CLSTN1: variants seen among roughly 807,000 people sequenced by gnomAD.
CLSTN1 encodes calsyntenin 1.
Under a neutral mutation model 108.3 loss-of-function variants are expected in CLSTN1, and 28 were observed. That is an observed-to-expected ratio of 0.26 (90% CI 0.19 to 0.35). The LOEUF (loss-of-function observed/expected upper bound fraction) is 0.35, where lower values mean the gene tolerates loss of function less well. CLSTN1 is among the 10% of genes least tolerant of loss of function. CLSTN1 has a pLI of 1.00. For missense variants in CLSTN1, 1,157 were observed against 1,302.6 expected (o/e 0.89, Z 1.72); for synonymous variants, 524 against 534.9 (o/e 0.98, Z 0.28).
At chr1:9,798,858 A>T (rs76328347) in intron 1 of CLSTN1, among the ~76,000 whole-genome samples, 137 of 152,312 alleles carry the variant, frequency 9.0e-4, no homozygotes, top group African/African-American at 3.1e-3. Context: ...AAGAGAAGTG[A>T]GATCACAAGG....
At chr1:9,807,495 C>T (rs554931073) in intron 1 of CLSTN1, among the ~76,000 whole-genome samples, 1 of 152,338 alleles carries the variant, frequency 6.6e-6, no homozygotes, top group East Asian at 1.9e-4. Flanking sequence ...AGTAAATTTA[C>T]TTCATATAGA....
intron 1 of CLSTN1, among the ~76,000 whole-genome samples, chr1:9,780,460 C>T (rs1245972306): frequency 1.3e-5 from 2 of 152,138 alleles, no homozygotes; most frequent in African/African-American, 4.8e-5. Context: ...GAAAGGCCTG[C>T]AGCTGAAATG....
intron 1 of CLSTN1, among the ~76,000 whole-genome samples, chr1:9,774,186 C>T (rs1479126868): frequency 6.6e-6 from 1 of 152,048 alleles, no homozygotes; most frequent in African/African-American, 2.4e-5. Flanking sequence ...TAATGTAAAG[C>T]AAAGATGCAA....
rs766593308 is a variant in CLSTN1 at position 9,734,966 on chromosome 1, C to T, written c.2092G>A (p.Gly698Arg). 5 of 1,614,040 alleles carry T rather than the reference C, an allele frequency of 3.1e-6. No homozygotes were observed. Among genetic ancestry groups the T allele is most frequent in the African/African-American group, 1.3e-5 (1 of 74,928 alleles). Residue 698 changes from glycine to arginine, a missense_variant, in exon 14 of 19, where the codon GGG becomes AGG. By Grantham distance (125) the Gly-to-Arg change is moderately radical (BLOSUM62 -2). Transcript: ENST00000377298. This position sits in a 1 kb window ranked among gnomAD's most constrained non-coding sequence, Gnocchi z 4.8. ...ITREVEPEGD[G>R]AEDPTVQESL... ...ACATTACCTGTGGGGTCCTCAGCCC[C>T]GTCCCCTTCAGGCTCCACTTCTCTC...
At chr1:9,821,907 C>T (rs1660742) in intron 1 of CLSTN1, among the ~76,000 whole-genome samples, 124,507 of 152,140 alleles carry the variant, frequency 0.82, 52,281 homozygotes, top group Non-Finnish European at 0.92. Flanking sequence ...ACTCAACTAG[C>T]CAACACACCT....
chr1:9,811,342 T>A (rs944582840), intron 1 of CLSTN1, among the ~76,000 whole-genome samples: 2 of 152,198 alleles, frequency 1.3e-5, no homozygotes, highest in Admixed American at 6.5e-5. Flanking sequence ...AAGACATGTA[T>A]TCGCTGCTTC....
At chr1:9,824,206 G>A, upstream of CLSTN1, 1 of 149,788 alleles carries the variant, frequency 6.7e-6, no homozygotes, top group Non-Finnish European at 1.5e-5. The surrounding 1 kb of genome is among the most constrained non-coding windows in gnomAD (Gnocchi z 5.0). Context: ...CGCGCCTGGG[G>A]TGGGTTCCGA....
Position 9,729,340 on chromosome 1 carries a change from G to GTT in CLSTN1, c.*1166_*1167dup, listed in dbSNP as rs1367784110. On this transcript the variant is annotated 3_prime_UTR_variant, in exon 19 of 19. Transcript: ENST00000377298. ...GCTATGTGGGTTTTAGACCATGACT[G>GTT]TTTGTTTGCTCTCCTGCCCTACCAC... 3.3e-5 allele frequency: 5 copies of GTT among 152,350 alleles called. No individual in the cohort carries two copies. The highest frequency in any genetic ancestry group is 3.2e-3 in the Middle Eastern group (1 of 314). 9.4% of individuals were successfully genotyped at this position (152,350 alleles called of 1,614,324 possible).
At chr1:9,736,162 T>TCATACCAAGTCCTGTTAGCC in intron 11 of CLSTN1, 120 bp from the exon 12 acceptor site, 1 of 1,158,536 alleles carries the variant, frequency 8.6e-7, no homozygotes, top group Admixed American at 1.9e-5. Flanking sequence ...GCGGGTTAGT[T>TCATACCAAGTCCTGTTAGCC]CATACCAAGT....
chr1:9,740,416 G>A (rs900001421), intron 10 of CLSTN1, among the ~76,000 whole-genome samples: 1 of 152,186 alleles, frequency 6.6e-6, no homozygotes, highest in African/African-American at 2.4e-5. Flanking sequence ...CATCAGCTGG[G>A]TGACACCTGG....
At position 9,755,169 on chromosome 1, in the gene CLSTN1, G is replaced by C. The variant is rs767280489; in HGVS notation, c.385C>G (p.Gln129Glu). The C allele has an allele frequency of 1.9e-6, 3 of 1,614,082 alleles. No homozygotes were observed. The South Asian group carries it at 3.3e-5, about 18-fold the overall frequency. Residue 129 changes from glutamine to glutamate, a missense_variant, in exon 4 of 19, where the codon CAG becomes GAG. By Grantham distance (29) the Gln-to-Glu change is conservative. Transcript: ENST00000377298. The stretch of plus-strand genomic sequence containing the variant: ...GGTCCCTTCCCACAATCATAGGCCT[G>C]GATGGTGAATGAATAGTCTTTCTGC... ...ELQKDYSFTIQAYDCGKGPDG... is the reference protein window; with the variant it reads ...ELQKDYSFTIEAYDCGKGPDG...
intron 4 of CLSTN1, among the ~76,000 whole-genome samples, chr1:9,752,029 C>A (rs1023954598): frequency 6.6e-6 from 1 of 151,950 alleles, no homozygotes; most frequent in Non-Finnish European, 1.5e-5. Context: ...TACCAGACGT[C>A]TGTTTGCTCT....
At position 9,823,092 on chromosome 1, in the gene CLSTN1, T is replaced by C. The variant is rs1338552248; in HGVS notation, c.91+551A>G. Among the ~76,000 whole-genome samples, 2 of 152,206 alleles carry C rather than the reference T, an allele frequency of 1.3e-5. No individual in the cohort carries two copies. The highest frequency in any genetic ancestry group is 4.8e-5 in the African/African-American group (2 of 41,446). On this transcript the variant is annotated intron_variant, in intron 1 of 18. Transcript: ENST00000377298. This position sits in a 1 kb window ranked among gnomAD's most constrained non-coding sequence, Gnocchi z 6.3. ...GAGGCGGAAAGGGGCGAAGTCGTGG[T>C]GTCCGCGGTGCAGCAACACAGAATC...
At position 9,730,787 on chromosome 1, in the gene CLSTN1, G is replaced by C. The variant is rs896159773; in HGVS notation, c.2749-82C>G. 1 of 1,333,880 alleles carries C rather than the reference G, an allele frequency of 7.5e-7. No homozygotes were observed. The highest frequency in any genetic ancestry group is 1.5e-5 in the African/African-American group (1 of 68,926). The allele number at this position is 1,333,880 out of a possible 1,614,324, so 82.6% of individuals were successfully genotyped here. A position where few individuals can be genotyped will look rare whatever the true frequency, so the allele number is the denominator to read the frequency against. On this transcript the variant is annotated intron_variant, in intron 18 of 18. Coordinates refer to ENST00000377298, the MANE Select transcript of CLSTN1 (RefSeq NM_001009566.3). The surrounding 1 kb of genome is among the most constrained non-coding windows in gnomAD (Gnocchi z 5.6). Reference sequence around the variant, plus strand: ...TGGCATTCTCCTCTCGACAGCCACAGAGGAAGGAGAACTTGCCCCAGCGTC... The same window carrying C: ...TGGCATTCTCCTCTCGACAGCCACACAGGAAGGAGAACTTGCCCCAGCGTC...
intron 1 of CLSTN1, among the ~76,000 whole-genome samples, chr1:9,796,293 A>C (rs915657116): frequency 6.8e-6 from 1 of 147,022 alleles, no homozygotes; most frequent in Non-Finnish European, 1.5e-5. Flanking sequence ...AACAAAACAA[A>C]ACAAAAAAAA....
At chr1:9,738,813 T>C (rs1031658837) in intron 10 of CLSTN1, among the ~76,000 whole-genome samples, 1 of 152,164 alleles carries the variant, frequency 6.6e-6, no homozygotes, top group Non-Finnish European at 1.5e-5. Flanking sequence ...CACGCCTGGC[T>C]AATTTTTGTA....
intron 10 of CLSTN1, among the ~76,000 whole-genome samples, chr1:9,740,592 T>G (rs945822602): frequency 2.6e-5 from 4 of 152,102 alleles, no homozygotes; most frequent in African/African-American, 9.7e-5. Context: ...CAGCAGAGAC[T>G]TCCATGGAAT....
chr1:9,800,635 CAGG>C (rs1325089531), intron 1 of CLSTN1, among the ~76,000 whole-genome samples: 2 of 147,846 alleles, frequency 1.4e-5, no homozygotes, highest in Non-Finnish European at 3.0e-5. Flanking sequence ...GAGGCTGAGG[CAGG>C]AGAATGACGT....
chr1:9,806,792 T>G (rs151101777), intron 1 of CLSTN1, among the ~76,000 whole-genome samples: 6 of 151,666 alleles, frequency 4.0e-5, no homozygotes, highest in Non-Finnish European at 7.4e-5. Context: ...GGCAGGAAAA[T>G]GGTGTGAACC....
Sources: allele counts gnomAD v4.1 joint callset (sites outside exome capture counted in the v4.1 genomes callset), GRCh38; gene constraint gnomAD v4.1.1; non-coding constraint Gnocchi (gnomAD v3.1); transcripts MANE v1.5; gene names NCBI Gene and HGNC (gene_info 2026-07-23, HGNC 2026-07-21).